HS2ST1: variants seen among roughly 807,000 people sequenced by gnomAD.
The protein encoded by HS2ST1 is 2-O-sulfotransferase.
HS2ST1 carries 18 observed loss-of-function variants against 42.9 expected under a neutral mutation model. The observed-to-expected ratio is 0.42, with a 90% CI of 0.29 to 0.62. The LOEUF is 0.62. Ranked by LOEUF, HS2ST1 falls within the 20% of genes least tolerant of loss-of-function variation. HS2ST1 has a pLI of 0.21. For missense variants in HS2ST1, 334 were observed against 433.8 expected (o/e 0.77, Z 2.04); for synonymous variants, 146 against 152.9 (o/e 0.95, Z 0.33).
chr1:87,001,300 G>T (rs1182199198), intron 1 of HS2ST1, among the ~76,000 whole-genome samples: 1 of 151,948 alleles, frequency 6.6e-6, no homozygotes, highest in Admixed American at 6.6e-5. Flanking sequence ...GTAATCTTCG[G>T]GTTAAATTTT....
intron 5 of HS2ST1, among the ~76,000 whole-genome samples, chr1:87,101,151 T>TA (rs1652192586): frequency 1.3e-5 from 1 of 76,508 alleles, no homozygotes; most frequent in Non-Finnish European, 2.6e-5. Context: ...GTGTGTGTGT[T>TA]TTTTGTTTTT....
intron 1 of HS2ST1, among the ~76,000 whole-genome samples, chr1:87,023,638 A>C (rs1650007178): frequency 6.6e-6 from 1 of 152,192 alleles, no homozygotes; most frequent in Admixed American, 6.5e-5. Context: ...TTTATTTATC[A>C]CTCTGTCTTC....
At chr1:86,931,441 A>G (rs79733022) in intron 1 of HS2ST1, among the ~76,000 whole-genome samples, 1,685 of 152,146 alleles carry the variant, frequency 0.011, 22 homozygotes, top group African/African-American at 0.038. Context: ...CTCTATATGT[A>G]ACCCTTACTT....
At chr1:86,919,355 C>T (rs866844985) in intron 1 of HS2ST1, among the ~76,000 whole-genome samples, 3 of 152,048 alleles carry the variant, frequency 2.0e-5, no homozygotes, top group African/African-American at 2.4e-5. Context: ...TTAGGGAAGT[C>T]GTTTTCATAT....
intron 1 of HS2ST1, among the ~76,000 whole-genome samples, chr1:86,999,255 C>G (rs554595845): frequency 1.3e-5 from 2 of 152,106 alleles, no homozygotes; most frequent in East Asian, 3.9e-4. Context: ...CTCGGCTCAC[C>G]GCGGTCTCTG....
At position 87,109,075 on chromosome 1, in the gene HS2ST1, G is replaced by A. The variant is rs1368364483; in HGVS notation, c.*4379G>A. On this transcript the variant is annotated 3_prime_UTR_variant, in exon 7 of 7. Transcript: ENST00000370550. ...TGAAACCATTTTGTCACATCTGTTG[G>A]AGAGATAATCACTCCTTTTCCTTAA... 1 of 152,420 alleles carries A rather than the reference G, an allele frequency of 6.6e-6. No individual in the cohort carries two copies. The highest frequency in any genetic ancestry group is 1.5e-5 in the Non-Finnish European group (1 of 67,958). 9.4% of individuals were successfully genotyped at this position (152,420 alleles called of 1,614,324 possible). A position where few individuals can be genotyped will look rare whatever the true frequency, so the allele number is the denominator to read the frequency against.
chr1:87,104,756 C>A lies in HS2ST1; in HGVS notation c.*60C>A. Reference sequence around the variant, plus strand: ...ATTTGACCCTGTCTTCACCTTTGTTCTCAGCTCCACAGTCTGGATTGCTGA... The same window carrying A: ...ATTTGACCCTGTCTTCACCTTTGTTATCAGCTCCACAGTCTGGATTGCTGA... On this transcript the variant is annotated 3_prime_UTR_variant, in exon 7 of 7. Coordinates refer to ENST00000370550, the MANE Select transcript of HS2ST1 (RefSeq NM_012262.4). 1 of 1,008,370 alleles carries A rather than the reference C, an allele frequency of 9.9e-7. No homozygotes were observed. The highest frequency in any genetic ancestry group is 1.6e-5 in the African/African-American group (1 of 62,774). 62.5% of individuals were successfully genotyped at this position (1,008,370 alleles called of 1,614,324 possible). A position where few individuals can be genotyped will look rare whatever the true frequency, so the allele number is the denominator to read the frequency against.
intron 1 of HS2ST1, among the ~76,000 whole-genome samples, chr1:86,954,040 TAAA>T (rs367757359): frequency 0.018 from 1,180 of 67,350 alleles, 24 homozygotes; most frequent in African/African-American, 0.041. Flanking sequence ...CTGTTTTTTT[TAAA>T]AAAAAAAAAA....
chr1:86,933,999 T>C (rs1660593226), intron 1 of HS2ST1, among the ~76,000 whole-genome samples: 1 of 152,178 alleles, frequency 6.6e-6, no homozygotes, highest in Non-Finnish European at 1.5e-5. Flanking sequence ...GTGGTGTGTG[T>C]GTGTGTAAAA....
intron 1 of HS2ST1, among the ~76,000 whole-genome samples, chr1:86,980,164 G>T (rs1648536256): frequency 6.6e-6 from 1 of 152,190 alleles, no homozygotes; most frequent in Non-Finnish European, 1.5e-5. Context: ...AATGTGCTAA[G>T]CATTGAGTAT....
In HS2ST1 at chr1:87,104,785, T is replaced by C; in HGVS notation, c.*89T>C. ...GCTCCACAGTCTGGATTGCTGACAG[T>C]AGGTGTATATGACAATTTGTATTGA... On this transcript the variant is annotated 3_prime_UTR_variant, in exon 7 of 7. Coordinates refer to ENST00000370550, the MANE Select transcript of HS2ST1 (RefSeq NM_012262.4). 9.2e-6 allele frequency: 7 copies of C among 761,286 alleles called. No homozygotes were observed. In the Admixed American group the frequency reaches 1.5e-4, roughly 17 times the overall value. The allele number at this position is 761,286 out of a possible 1,614,324, so 47.2% of individuals were successfully genotyped here.
At chr1:87,085,534 G>A (rs1414863454) in intron 3 of HS2ST1, among the ~76,000 whole-genome samples, 1 of 152,152 alleles carries the variant, frequency 6.6e-6, no homozygotes, top group African/African-American at 2.4e-5. Flanking sequence ...TAGCTCTAAA[G>A]TTAGATGTAT....
At chr1:87,035,905 G>C (rs1433697018) in intron 1 of HS2ST1, among the ~76,000 whole-genome samples, 2 of 151,604 alleles carry the variant, frequency 1.3e-5, no homozygotes, top group African/African-American at 2.4e-5. Context: ...CACGTGCCAT[G>C]GTGGTTTGCT....
At chr1:87,079,385 G>A (rs771740396) in intron 2 of HS2ST1, among the ~76,000 whole-genome samples, 4 of 152,130 alleles carry the variant, frequency 2.6e-5, no homozygotes, top group Admixed American at 6.5e-5. Context: ...AAGTCCACCC[G>A]CCTCGGCTTT....
At chr1:86,917,611 G>A (rs2783976) in intron 1 of HS2ST1, among the ~76,000 whole-genome samples, 16,779 of 152,044 alleles carry the variant, frequency 0.11, 997 homozygotes, top group Non-Finnish European at 0.13. Context: ...AGACCACATC[G>A]CATTTAAGTG....
chr1:87,006,608 A>G (rs1649442884), intron 1 of HS2ST1, among the ~76,000 whole-genome samples: 1 of 152,140 alleles, frequency 6.6e-6, no homozygotes, highest in Admixed American at 6.5e-5. Flanking sequence ...AAAATTCTGA[A>G]TGAAATAAAT....
chr1:87,010,777 T>C (rs1439971697), intron 1 of HS2ST1, among the ~76,000 whole-genome samples: 1 of 137,814 alleles, frequency 7.3e-6, no homozygotes, highest in Admixed American at 7.0e-5. Flanking sequence ...TGTTTTGTTT[T>C]GTTTTGTTTT....
At chr1:86,935,848 C>G (rs144853061) in intron 1 of HS2ST1, among the ~76,000 whole-genome samples, 70 of 152,206 alleles carry the variant, frequency 4.6e-4, no homozygotes, top group Non-Finnish European at 7.9e-4. Context: ...TTGAAATAAT[C>G]TTTAATTCAC....
Position 87,012,600 on chromosome 1 carries a change from C to G in HS2ST1, c.125-60334C>G, listed in dbSNP as rs138786305. ...ACACAGCCAAACCATATCATTCTGC[C>G]CCTGGCCCCTCCCAAATCTCATGTC... On this transcript the variant is annotated intron_variant, in intron 1 of 6. Transcript: ENST00000370550. Among the ~76,000 whole-genome samples the G allele has an allele frequency of 4.6e-3, 698 of 152,224 alleles. 3 individuals are homozygous for G. The highest frequency in any genetic ancestry group is 0.02 in the Middle Eastern group (6 of 294).
Sources: gnomAD v4.1 joint callset for allele counts (sites outside exome capture counted in the v4.1 genomes callset) on GRCh38, gnomAD v4.1.1 for gene constraint, MANE v1.5 for transcripts, NCBI Gene and HGNC (gene_info 2026-07-23, HGNC 2026-07-21) for gene names.